The following RS1 variants were observed in gnomAD, a reference collection of about 807,000 sequenced individuals.
The protein encoded by RS1 is retinoschisin.
A neutral mutation model predicts 20.8 loss-of-function variants in RS1; 2 were observed. The observed-to-expected ratio is 0.10, with a 90% CI of 0.04 to 0.30. The LOEUF (loss-of-function observed/expected upper bound fraction) is 0.30, where lower values mean the gene tolerates loss of function less well. RS1 is among the 10% of genes least tolerant of loss of function. The probability of loss-of-function intolerance (pLI) is 1.00; values close to 1 mark genes in which losing one functional copy is unlikely to be tolerated. For missense variants in RS1, 151 were observed against 189.8 expected (o/e 0.80, Z 1.20); for synonymous variants, 70 against 75.8 (o/e 0.92, Z 0.40).
At chrX:18,659,573 G>A (rs997901718) in intron 1 of RS1, among the ~76,000 whole-genome samples, 2 of 111,517 alleles carry the variant, frequency 1.8e-5, no homozygotes, top group Middle Eastern at 4.2e-3. Flanking sequence ...AGTGGCTACC[G>A]TACTGGCTAA....
intron 4 of RS1, 71 bp from the exon 5 acceptor site, chrX:18,644,696 C>T (rs1927712237): frequency 3.7e-6 from 4 of 1,072,549 alleles, no homozygotes; most frequent in Non-Finnish European, 5.2e-6. Context: ...CAGGTGCTGG[C>T]TCTCGAGGGG....
In RS1 at chrX:18,646,086, A is replaced by G. The variant is rs757292432; in HGVS notation, c.326+1105T>C. On this transcript the variant is annotated intron_variant, in intron 4 of 5. Transcript: ENST00000379984. ...GCTTCATGTTAAGGACGACAGAACAACAAGGTAGAGTCTGGGCCCCGCATG... is the reference window on the plus strand; with the variant it reads ...GCTTCATGTTAAGGACGACAGAACAGCAAGGTAGAGTCTGGGCCCCGCATG... The G allele has an allele frequency of 7.4e-6, 9 of 1,210,156 alleles. No individual in the cohort carries two copies. Among genetic ancestry groups the G allele is most frequent in the Non-Finnish European group, 1.0e-5 (9 of 895,261 alleles).
chrX:18,650,318 C>T (rs1248600974), intron 3 of RS1: 1 of 840,955 alleles, frequency 1.2e-6, no homozygotes, highest in Non-Finnish European at 1.8e-6. Flanking sequence ...GTGACGCTCT[C>T]ACTGTCACCT....
intron 3 of RS1, among the ~76,000 whole-genome samples, chrX:18,651,220 AGTGTGTGTGTGTGTGT>A (rs3838188): frequency 8.7e-4 from 57 of 65,188 alleles, no homozygotes; most frequent in South Asian, 2.2e-3. Context: ...GGCAGGAGCA[AGTGTGTGTGTGTGTGT>A]GTGTGTGTGT....
chrX:18,653,645 T>C, intron 3 of RS1: 2 of 1,066,537 alleles, frequency 1.9e-6, no homozygotes, highest in Non-Finnish European at 2.5e-6. Context: ...AGGTTGAGTT[T>C]TCCTTTCTGA....
At chrX:18,653,526 G>T (rs942884617) in intron 3 of RS1, 1 of 1,210,227 alleles carries the variant, frequency 8.3e-7, no homozygotes, top group African/African-American at 1.7e-5. Context: ...ATGAGAATGC[G>T]GCACTGACGG....
At chrX:18,668,855 C>T (rs185120135) in intron 1 of RS1, among the ~76,000 whole-genome samples, 3 of 111,581 alleles carry the variant, frequency 2.7e-5, no homozygotes, top group African/African-American at 9.8e-5. Context: ...GAATGGGGAG[C>T]GAGGGCTTAA....
intron 1 of RS1, among the ~76,000 whole-genome samples, chrX:18,671,405 C>T (rs746476616): frequency 9.0e-6 from 1 of 111,584 alleles, no homozygotes; most frequent in South Asian, 3.7e-4. Context: ...TTATTTTTTC[C>T]TAATTGAAGC....
rs1332676778 is a variant in RS1, at chrX:18,640,461, G to T, written c.*1543C>A. ...CCCCCCCCCCCACCCCCAACACCCT[G>T]TGTGATGTGTTTATATTTGAGAGAA... On this transcript the variant is annotated 3_prime_UTR_variant, in exon 6 of 6. Transcript: ENST00000379984. The T allele has an allele frequency of 5.9e-5, 2 of 33,733 alleles. No individual in the cohort carries two copies. Among genetic ancestry groups the T allele is most frequent in the Non-Finnish European group, 1.2e-4 (2 of 17,054 alleles). The allele number at this position is 33,733 out of a possible 1,213,427, so 2.8% of individuals were successfully genotyped here.
At chrX:18,658,541 C>T (rs958899294) in intron 1 of RS1, among the ~76,000 whole-genome samples, 7 of 109,978 alleles carry the variant, frequency 6.4e-5, no homozygotes, top group African/African-American at 1.7e-4. Context: ...CTGCAACCTC[C>T]GCCTCCTGGG....
Position 18,654,531 on chromosome X carries a change from G to T in RS1, c.184+2122C>A, listed in dbSNP as rs1017915360. ...CCACTGAATGGTAAATTTCTCTAAG[G>T]TGGAGACAATGCCTTCATTTCTGTC... On this transcript the variant is annotated intron_variant, in intron 3 of 5. Coordinates refer to ENST00000379984, the MANE Select transcript of RS1 (RefSeq NM_000330.4). Among the ~76,000 whole-genome samples the T allele has an allele frequency of 6.2e-5, 7 of 112,331 alleles. No homozygotes were observed. In the South Asian group the frequency reaches 1.1e-3, roughly 18 times the overall value.
intron 1 of RS1, among the ~76,000 whole-genome samples, chrX:18,666,500 G>A (rs767298746): frequency 2.7e-5 from 3 of 111,533 alleles, no homozygotes; most frequent in South Asian, 3.8e-4. Flanking sequence ...GGGGGTGTCC[G>A]GGAGCCAGTT....
At chrX:18,668,174 G>A (rs902941326) in intron 1 of RS1, among the ~76,000 whole-genome samples, 1 of 111,953 alleles carries the variant, frequency 8.9e-6, no homozygotes, top group African/African-American at 3.2e-5. Flanking sequence ...TGTTTAGATG[G>A]CTTCTGTGAT....
rs1928223500 is a variant in RS1 at position 18,656,776 on chromosome X, G to C, written c.79-18C>G. 1 of 1,179,975 alleles carries C rather than the reference G, an allele frequency of 8.5e-7. No individual in the cohort carries two copies. The highest frequency in any genetic ancestry group is 1.2e-6 in the Non-Finnish European group (1 of 866,557). On this transcript the variant is annotated intron_variant, in intron 2 of 5. Transcript: ENST00000379984. ...CCTTCATCCTGCAGCCAACCAGAGA[G>C]GCAGGGCAGAAAAGTCACGGTCAAA...
At chrX:18,649,945 T>C (rs1298862310) in intron 3 of RS1, 2 of 182,112 alleles carry the variant, frequency 1.1e-5, no homozygotes, top group Admixed American at 1.4e-4. Flanking sequence ...GAGCATTTGA[T>C]GACTGAACCT....
At chrX:18,657,238 T>TTTTTTTTTTG (rs397707718) in intron 2 of RS1, among the ~76,000 whole-genome samples, 1 of 97,101 alleles carries the variant, frequency 1.0e-5, no homozygotes, top group Non-Finnish European at 2.1e-5. Flanking sequence ...TTTTTTTTTT[T>TTTTTTTTTTG]GAGACAGAGT....
intron 5 of RS1, among the ~76,000 whole-genome samples, chrX:18,643,181 A>T (rs1003058545): frequency 2.0e-4 from 22 of 111,735 alleles, no homozygotes; most frequent in African/African-American, 7.2e-4. Context: ...GTTTGACGCC[A>T]TTTCCAAAGA....
At chrX:18,657,072 T>A (rs188454378) in intron 2 of RS1, among the ~76,000 whole-genome samples, 1 of 110,252 alleles carries the variant, frequency 9.1e-6, no homozygotes, top group African/African-American at 3.3e-5. Flanking sequence ...ACTCTTCACA[T>A]CCCCTGGAAG....
chrX:18,669,337 A>G (rs1258439942), intron 1 of RS1, among the ~76,000 whole-genome samples: 1 of 108,942 alleles, frequency 9.2e-6, no homozygotes. Context: ...CTAAAATTAC[A>G]AAAATGATCC....
Sources: gnomAD v4.1 joint callset for allele counts (sites outside exome capture counted in the v4.1 genomes callset) on GRCh38, gnomAD v4.1.1 for gene constraint, MANE v1.5 for transcripts, NCBI Gene and HGNC (gene_info 2026-07-23, HGNC 2026-07-21) for gene names.